Variants in DLG2 observed in about 807,000 individuals in gnomAD.
DLG2 encodes disks large homolog 2.
Under a neutral mutation model 132.5 loss-of-function variants are expected in DLG2, and 45 were observed. The ratio of observed to expected loss-of-function variants is 0.34; its 90% CI spans 0.27 to 0.44. The LOEUF is 0.44. DLG2 is among the 20% of genes least tolerant of loss of function. The pLI, the probability that DLG2 is intolerant of heterozygous loss-of-function variation, is 1.00. For missense variants in DLG2, 1,045 were observed against 1,196.9 expected, an observed-to-expected ratio of 0.87 and a Z score of 1.87; for synonymous variants, 424 against 419.6, an observed-to-expected ratio of 1.01 and a Z score of -0.13.
At chr11:85,400,193 A>T (rs575234100) in intron 3 of DLG2, among the ~76,000 whole-genome samples, 1 of 152,250 alleles carries the variant, frequency 6.6e-6, no homozygotes, top group South Asian at 2.1e-4. Flanking sequence ...GCTCACCATC[A>T]CTGGCCATCA....
chr11:83,979,902 C>G (rs2092631840), intron 12 of DLG2, among the ~76,000 whole-genome samples: 1 of 152,140 alleles, frequency 6.6e-6, no homozygotes, highest in Admixed American at 6.6e-5. Context: ...GGAAGAACAA[C>G]AGATAATCTC....
intron 4 of DLG2, among the ~76,000 whole-genome samples, chr11:85,160,673 G>A (rs1055442935): frequency 1.3e-5 from 2 of 152,144 alleles, no homozygotes; most frequent in African/African-American, 2.4e-5. Flanking sequence ...GCACAAGTAA[G>A]TTACATGAGG....
intron 4 of DLG2, among the ~76,000 whole-genome samples, chr11:85,194,506 C>A (rs2080880841): frequency 6.6e-6 from 1 of 151,886 alleles, no homozygotes; most frequent in Non-Finnish European, 1.5e-5. Flanking sequence ...TTAAATGCTG[C>A]AATATGAATA....
chr11:84,179,653 GAATC>G (rs1362996442), intron 8 of DLG2, among the ~76,000 whole-genome samples: 3 of 152,146 alleles, frequency 2.0e-5, no homozygotes, highest in African/African-American at 7.2e-5. Flanking sequence ...AGAGGAAAAG[GAATC>G]ATTCTGAAGT....
chr11:83,476,542 T>C (rs2092630479), intron 22 of DLG2, among the ~76,000 whole-genome samples: 2 of 152,126 alleles, frequency 1.3e-5, no homozygotes, highest in African/African-American at 4.8e-5. Flanking sequence ...ATTGTCTCCA[T>C]AGGATGTTCA....
intron 3 of DLG2, among the ~76,000 whole-genome samples, chr11:85,473,952 G>A (rs912047890): frequency 5.3e-5 from 8 of 151,790 alleles, no homozygotes; most frequent in Admixed American, 1.3e-4. Flanking sequence ...CACAAAAGAC[G>A]ATAGAAATAA....
intron 3 of DLG2, among the ~76,000 whole-genome samples, chr11:85,412,571 T>C (rs919916411): frequency 2.0e-5 from 3 of 151,588 alleles, no homozygotes; most frequent in African/African-American, 4.8e-5. Context: ...TCTAATGCCT[T>C]TGCATCCTCA....
intron 15 of DLG2, among the ~76,000 whole-genome samples, chr11:83,917,676 G>A (rs1307388136): frequency 6.6e-6 from 1 of 152,142 alleles, no homozygotes; most frequent in Non-Finnish European, 1.5e-5. Context: ...GCCTGAAGAA[G>A]AGCTTCCATT....
intron 9 of DLG2, among the ~76,000 whole-genome samples, chr11:84,122,048 C>T (rs545280174): frequency 8.6e-5 from 13 of 151,742 alleles, no homozygotes; most frequent in African/African-American, 2.4e-4. Context: ...GGGCTGGGTG[C>T]GGTGGCTCAT....
intron 18 of DLG2, among the ~76,000 whole-genome samples, chr11:83,702,094 C>G (rs980178371): frequency 2.6e-5 from 4 of 152,132 alleles, no homozygotes; most frequent in African/African-American, 7.2e-5. Flanking sequence ...GGACTTACCC[C>G]CTTTGCAAAC....
intron 3 of DLG2, among the ~76,000 whole-genome samples, chr11:85,548,999 G>C (rs1013633065): frequency 3.9e-5 from 6 of 151,924 alleles, no homozygotes; most frequent in African/African-American, 1.5e-4. Context: ...GGAGTGAACT[G>C]TTCTGTCTCA....
intron 6 of DLG2, among the ~76,000 whole-genome samples, chr11:84,536,096 T>C (rs1415393131): frequency 6.6e-6 from 1 of 152,158 alleles, no homozygotes; most frequent in Non-Finnish European, 1.5e-5. Context: ...ACTTATACTT[T>C]CTGGGGCAAG....
rs201713045 is a variant in DLG2 at position 84,394,338 on chromosome 11, G to GTT, written c.519+140230_519+140231dup. Among the ~76,000 whole-genome samples, 452 of 144,162 alleles carry GTT rather than the reference G, an allele frequency of 3.1e-3. 4 individuals carry two copies. The highest frequency in any genetic ancestry group is 0.016 in the South Asian group (75 of 4,576). The allele number at this position is 144,162 out of a possible 152,430, so 94.6% of individuals were successfully genotyped here. A position where few individuals can be genotyped will look rare whatever the true frequency, so the allele number is the denominator to read the frequency against. ...GTTCTGCTGGTGCCAAAGTCTTTCA[G>GTT]TTTTTTTTTTTTTCCCTGAAAATAT... On this transcript the variant is annotated intron_variant, in intron 7 of 27. Transcript: ENST00000376104.
In DLG2 at chr11:84,805,241, C is replaced by T. The variant is rs1000986227; in HGVS notation, c.358-270510G>A. 1.3e-5 allele frequency among the ~76,000 whole-genome samples: 2 copies of T among 152,096 alleles called. 1 individual carries two copies. On this transcript the variant is annotated intron_variant, in intron 6 of 27. Transcript: ENST00000376104. ...GGAGCCATGCCCCCTTGAGTGTCAA[C>T]AGAGACAGCATGGGAAACTGGGAAT...
chr11:83,802,766 C>T (rs1437024625), intron 17 of DLG2, among the ~76,000 whole-genome samples: 2 of 151,840 alleles, frequency 1.3e-5, no homozygotes, highest in Non-Finnish European at 2.9e-5. Context: ...AGCTGTAGAA[C>T]TATATGTGTA....
chr11:83,673,423 T>C (rs1264847696), intron 18 of DLG2, among the ~76,000 whole-genome samples: 1 of 152,238 alleles, frequency 6.6e-6, no homozygotes, highest in Non-Finnish European at 1.5e-5. Flanking sequence ...ATAATCAAAT[T>C]ATAATGAGTT....
intron 6 of DLG2, among the ~76,000 whole-genome samples, chr11:84,867,233 T>A (rs889840426): frequency 2.0e-5 from 3 of 152,218 alleles, no homozygotes; most frequent in Non-Finnish European, 4.4e-5. Flanking sequence ...TTTTATCTTC[T>A]GAGGTTTCAG....
At chr11:83,814,021 T>G (rs1213157788) in intron 17 of DLG2, among the ~76,000 whole-genome samples, 2 of 152,154 alleles carry the variant, frequency 1.3e-5, no homozygotes, top group African/African-American at 4.8e-5. Flanking sequence ...TGCACTTTTA[T>G]TTTTACATTG....
intron 7 of DLG2, among the ~76,000 whole-genome samples, chr11:84,515,058 A>T (rs1036362206): frequency 2.0e-5 from 3 of 151,922 alleles, no homozygotes; most frequent in Non-Finnish European, 4.4e-5. Flanking sequence ...ACACACAAAA[A>T]AATTAAAAAA....
Sources: gnomAD v4.1 joint callset for allele counts (sites outside exome capture counted in the v4.1 genomes callset) on GRCh38, gnomAD v4.1.1 for gene constraint, MANE v1.5 for transcripts, NCBI Gene and HGNC (gene_info 2026-07-23, HGNC 2026-07-21) for gene names.